The following CNTN5 variants were observed in gnomAD, a reference collection of about 807,000 sequenced individuals.
The protein encoded by CNTN5 is contactin-5.
CNTN5 carries 77 observed loss-of-function variants against 129.1 expected under a neutral mutation model. The ratio of observed to expected loss-of-function variants is 0.60; its 90% confidence interval spans 0.50 to 0.72. The LOEUF is 0.72. Among genes scored for constraint, CNTN5 ranks in the 30% least tolerant of loss-of-function variants. The pLI, the probability that CNTN5 is intolerant of heterozygous loss-of-function variation, is 0.00. For synonymous variants in CNTN5, 509 were observed against 465.6 expected (o/e 1.09, Z -1.20); for missense variants, 1,478 against 1,328.8 (o/e 1.11, Z -1.75).
At chr11:99,565,549 T>C (rs565138803) in intron 3 of CNTN5, among the ~76,000 whole-genome samples, 4 of 152,162 alleles carry the variant, frequency 2.6e-5, no homozygotes, top group Non-Finnish European at 5.9e-5. Flanking sequence ...CAGAGGAACC[T>C]TGTCCCTTGC....
chr11:99,956,899 T>A lies in CNTN5; in HGVS notation c.767T>A (p.Ile256Asn). 6.2e-7 allele frequency: 1 copy of A among 1,613,924 alleles called. No homozygotes were observed. Among genetic ancestry groups the A allele is most frequent in the Non-Finnish European group, 8.5e-7 (1 of 1,179,834 alleles). ...TCCCAGGAGACAGGCAACCTTTATATTTCTAAAGTCCAAACATCAGATGTT... is the reference window on the plus strand; with the variant it reads ...TCCCAGGAGACAGGCAACCTTTATAATTCTAAAGTCCAAACATCAGATGTT... ...FISQETGNLY[I>N]SKVQTSDVGS... The change falls in exon 8 of 25, where the codon ATT (isoleucine) becomes AAT (asparagine). Residue 256 changes from isoleucine (I) to asparagine (N), a missense_variant. Ile to Asn is a moderately radical substitution (Grantham distance 149). Coordinates refer to ENST00000524871, the MANE Select transcript of CNTN5 (RefSeq NM_014361.4).
intron 3 of CNTN5, among the ~76,000 whole-genome samples, chr11:99,813,663 G>T (rs937588171): frequency 3.3e-5 from 5 of 152,082 alleles, no homozygotes; most frequent in African/African-American, 1.2e-4. Flanking sequence ...GTTTCCTAGG[G>T]TGTGCCAACA....
intron 16 of CNTN5, among the ~76,000 whole-genome samples, chr11:100,240,228 C>CCT (rs1949709540): frequency 6.6e-6 from 1 of 151,692 alleles, no homozygotes; most frequent in African/African-American, 2.4e-5. Flanking sequence ...CACCCCGCCC[C>CCT]ACACCCCCCG....
At chr11:100,146,224 C>T (rs938288790) in intron 13 of CNTN5, among the ~76,000 whole-genome samples, 1 of 152,070 alleles carries the variant, frequency 6.6e-6, no homozygotes, top group African/African-American at 2.4e-5. Flanking sequence ...CAATTTTTCT[C>T]ATCTAAATAG....
At chr11:99,517,751 C>G (rs1337314244) in intron 2 of CNTN5, among the ~76,000 whole-genome samples, 1 of 152,062 alleles carries the variant, frequency 6.6e-6, no homozygotes, top group Non-Finnish European at 1.5e-5. Flanking sequence ...TCCCCTCTTA[C>G]AAGTGAATTG....
chr11:100,262,785 G>A (rs1419237640), intron 17 of CNTN5, among the ~76,000 whole-genome samples: 3 of 152,128 alleles, frequency 2.0e-5, no homozygotes, highest in African/African-American at 7.2e-5. Context: ...ACTGGGGCCT[G>A]CCAGGGAGTG....
intron 2 of CNTN5, among the ~76,000 whole-genome samples, chr11:99,398,984 T>G (rs182698477): frequency 6.6e-6 from 1 of 151,910 alleles, no homozygotes; most frequent in African/African-American, 2.4e-5. Context: ...ATACTCTTCA[T>G]GTCCTCTCCA....
intron 2 of CNTN5, among the ~76,000 whole-genome samples, chr11:99,354,342 T>G (rs751154918): frequency 1.3e-5 from 2 of 152,116 alleles, no homozygotes; most frequent in Non-Finnish European, 2.9e-5. Context: ...GTTGGGCATG[T>G]TTTCAGTGTA....
chr11:100,136,469 A>G (rs966095213), intron 13 of CNTN5, among the ~76,000 whole-genome samples: 1 of 152,106 alleles, frequency 6.6e-6, no homozygotes, highest in Non-Finnish European at 1.5e-5. Context: ...CTTGAAGATT[A>G]TATTTTCAAT....
At chr11:99,554,408 A>G (rs570689053) in intron 2 of CNTN5, among the ~76,000 whole-genome samples, 3 of 152,118 alleles carry the variant, frequency 2.0e-5, no homozygotes, top group Non-Finnish European at 4.4e-5. Flanking sequence ...TATCTTCATG[A>G]GTCAATGCTC....
chr11:100,099,029 A>G (rs1945120150), intron 13 of CNTN5, among the ~76,000 whole-genome samples: 1 of 152,100 alleles, frequency 6.6e-6, no homozygotes, highest in African/African-American at 2.4e-5. Flanking sequence ...GACAAGTGGG[A>G]AAAACTGCAA....
chr11:100,164,431 C>T (rs1375022182), intron 13 of CNTN5, among the ~76,000 whole-genome samples: 1 of 151,670 alleles, frequency 6.6e-6, no homozygotes, highest in East Asian at 1.9e-4. Context: ...TACCAATCCT[C>T]ATATTACATT....
chr11:99,169,623 C>A (rs772613705), intron 1 of CNTN5, among the ~76,000 whole-genome samples: 1 of 151,976 alleles, frequency 6.6e-6, no homozygotes, highest in Non-Finnish European at 1.5e-5. Context: ...TCTTTTGCAT[C>A]GGCTCCTTAA....
At chr11:100,187,933 A>G (rs11223145) in intron 13 of CNTN5, among the ~76,000 whole-genome samples, 10,027 of 152,300 alleles carry the variant, frequency 0.066, 352 homozygotes, top group Non-Finnish European at 0.086. Flanking sequence ...AAAAACATTG[A>G]CAAGTGTGAC....
chr11:99,040,076 A>G (rs1262529348), intron 1 of CNTN5, among the ~76,000 whole-genome samples: 3 of 152,186 alleles, frequency 2.0e-5, no homozygotes, highest in African/African-American at 7.2e-5. Context: ...TTTGCTCAGC[A>G]GCAGATGAAT....
chr11:99,694,670 GC>G (rs1358769525), intron 3 of CNTN5, among the ~76,000 whole-genome samples: 1 of 151,578 alleles, frequency 6.6e-6, no homozygotes, highest in African/African-American at 2.4e-5. Context: ...CCCTCCCCGA[GC>G]CCCCCACCCC....
intron 9 of CNTN5, among the ~76,000 whole-genome samples, chr11:100,025,003 T>C (rs1385572157): frequency 6.6e-6 from 1 of 152,196 alleles, no homozygotes; most frequent in East Asian, 1.9e-4. Flanking sequence ...TTATAGCTAA[T>C]GGGAAGCCAA....
At position 99,354,709 on chromosome 11, in the gene CNTN5, C is replaced by G. The variant is rs558917892; in HGVS notation, c.-71+29225C>G. On this transcript the variant is annotated intron_variant, in intron 2 of 24. Transcript: ENST00000524871. ...CCCCATGATCTCTCTCCTGAAAAAT[C>G]ACCACCTAACTGGCCTCCCTACTTC... 2.0e-5 allele frequency among the ~76,000 whole-genome samples: 3 copies of G among 152,252 alleles called. No individual in the cohort carries two copies. In the South Asian group the frequency reaches 6.2e-4, roughly 32 times the overall value.
rs572835486 is a variant in CNTN5, at chr11:99,612,089, T to A, written c.55+55820T>A. 6.6e-5 allele frequency among the ~76,000 whole-genome samples: 10 copies of A among 152,324 alleles called. No homozygotes were observed. The South Asian group carries it at 2.1e-3, about 32-fold the overall frequency. ...CAGCAACTGATATGTAGGAGGCACT[T>A]GCAATAAGAATTTCTGAGTCTTTAT... is the stretch of plus-strand genomic sequence containing the variant. On this transcript the variant is annotated intron_variant, in intron 3 of 24. Coordinates refer to ENST00000524871, the MANE Select transcript of CNTN5 (RefSeq NM_014361.4).
Sources: allele counts gnomAD v4.1 joint callset (sites outside exome capture counted in the v4.1 genomes callset), GRCh38; gene constraint gnomAD v4.1.1; transcripts MANE v1.5; gene names NCBI Gene and HGNC (gene_info 2026-07-23, HGNC 2026-07-21).